G3BP2: variants seen among roughly 807,000 people sequenced by gnomAD.
G3BP2 encodes the protein G3BP stress granule assembly factor 2.
In G3BP2, 11 loss-of-function variants were observed where a neutral mutation model predicts 56.7. That is an observed-to-expected ratio of 0.19 (90% CI 0.12 to 0.32). G3BP2 has a LOEUF of 0.32. Ranked by LOEUF, G3BP2 falls within the 10% of genes least tolerant of loss-of-function variation. The pLI is 1.00. For synonymous variants in G3BP2, 165 were observed against 191.6 expected, an observed-to-expected ratio of 0.86 and a Z score of 1.15; for missense variants, 340 against 610.9, an observed-to-expected ratio of 0.56 and a Z score of 4.67.
chr4:75,667,921 A>G (rs1331852774), intron 1 of G3BP2, among the ~76,000 whole-genome samples: 1 of 152,174 alleles, frequency 6.6e-6, no homozygotes, highest in Non-Finnish European at 1.5e-5. Flanking sequence ...ATTATCCAGT[A>G]TAGTTTAGAG....
At chr4:75,659,828 C>T (rs1016423245) in intron 2 of G3BP2, among the ~76,000 whole-genome samples, 2 of 152,178 alleles carry the variant, frequency 1.3e-5, no homozygotes, top group Non-Finnish European at 2.9e-5. Context: ...AGAGTCCATG[C>T]TTTTAACCAC....
upstream of G3BP2, among the ~76,000 whole-genome samples, chr4:75,677,440 G>T (rs1399811748): frequency 6.6e-6 from 1 of 152,080 alleles, no homozygotes; most frequent in Non-Finnish European, 1.5e-5. Context: ...GCATGGTGGT[G>T]CGCACCTGTA....
At position 75,646,466 on chromosome 4, in the gene G3BP2, T is replaced by A. The variant is rs763406599; in HGVS notation, c.1058-10A>T. 7.2e-7 allele frequency: 1 copy of A among 1,382,672 alleles called. No individual in the cohort carries two copies. Among genetic ancestry groups the A allele is most frequent in the Admixed American group, 1.7e-5 (1 of 59,490 alleles). The allele number at this position is 1,382,672 out of a possible 1,614,324, so 85.7% of individuals were successfully genotyped here. On this transcript the variant is annotated splice_polypyrimidine_tract_variant and intron_variant, in intron 10 of 11. Coordinates refer to ENST00000359707, the MANE Select transcript of G3BP2 (RefSeq NM_203505.3). ...ACAACGTTTCCAAAACCTGTGAAAA[T>A]ATACATTACATCAAGGGTTAAATAT...
intron 3 of G3BP2, among the ~76,000 whole-genome samples, chr4:75,658,558 T>C (rs543907530): frequency 9.5e-4 from 144 of 151,668 alleles, no homozygotes; most frequent in Non-Finnish European, 1.6e-3. Flanking sequence ...AGAAACCCCG[T>C]CTCTACTAAA....
chr4:75,705,675 C>T (rs781382271), intron 3 of G3BP2, among the ~76,000 whole-genome samples: 3 of 152,124 alleles, frequency 2.0e-5, no homozygotes, highest in East Asian at 1.9e-4. Flanking sequence ...GTGGAAAGGC[C>T]GTCCCTCCAG....
At chr4:75,659,361 C>G (rs957489871) in intron 2 of G3BP2, among the ~76,000 whole-genome samples, 2 of 152,012 alleles carry the variant, frequency 1.3e-5, no homozygotes, top group African/African-American at 4.8e-5. Flanking sequence ...ATCCAGATCT[C>G]CAAATGATTA....
intron 3 of G3BP2, among the ~76,000 whole-genome samples, chr4:75,691,410 T>C (rs1244936891): frequency 6.6e-6 from 1 of 152,146 alleles, no homozygotes; most frequent in African/African-American, 2.4e-5. Flanking sequence ...GGTCTCACTA[T>C]GCTGGCCAGA....
At chr4:75,694,941 A>C in intron 3 of G3BP2, 7 of 985,562 alleles carry the variant, frequency 7.1e-6, no homozygotes, top group Non-Finnish European at 8.4e-6. Flanking sequence ...TGGAGCAGCA[A>C]GACAAGAAAG....
intron 3 of G3BP2, among the ~76,000 whole-genome samples, chr4:75,712,640 C>T (rs1284445289): frequency 6.6e-6 from 1 of 152,116 alleles, no homozygotes. Context: ...TTTTCCCCTC[C>T]TAGGTCCCTC....
At chr4:75,691,961 T>C (rs1718877187) in intron 3 of G3BP2, among the ~76,000 whole-genome samples, 1 of 152,216 alleles carries the variant, frequency 6.6e-6, no homozygotes, top group Admixed American at 6.6e-5. Context: ...ACTGAAAATC[T>C]AAATTCTCTG....
At chr4:75,646,306 A>G (rs756140745) in intron 11 of G3BP2, 32 bp downstream of exon 11, 2 of 916,240 alleles carry the variant, frequency 2.2e-6, no homozygotes, top group Non-Finnish European at 1.8e-6. Flanking sequence ...AGAAATAATA[A>G]AGTCTTGAAT....
At chr4:75,663,442 T>A (rs191300616) in intron 1 of G3BP2, among the ~76,000 whole-genome samples, 6 of 152,286 alleles carry the variant, frequency 3.9e-5, no homozygotes, top group East Asian at 1.9e-4. Flanking sequence ...TTAAATTTTT[T>A]AATTTTTATT....
Position 75,673,236 on chromosome 4 carries a change from C to A in G3BP2, c.-53G>T. ...CAGCCAACGGCGGCGGCGGGTACGT[C>A]GCGCGGAGGTCAGAAGAGTCGCTGA... On this transcript the variant is annotated 5_prime_UTR_variant, in exon 1 of 12. Transcript: ENST00000359707. 1 of 1,218,130 alleles carries A rather than the reference C, an allele frequency of 8.2e-7. No homozygotes were observed. The highest frequency in any genetic ancestry group is 1.0e-6 in the Non-Finnish European group (1 of 979,416). 75.5% of individuals were successfully genotyped at this position (1,218,130 alleles called of 1,614,324 possible).
At chr4:75,670,295 TG>T (rs1431517758) in intron 1 of G3BP2, 1 of 152,230 alleles carries the variant, frequency 6.6e-6, no homozygotes, top group Non-Finnish European at 1.5e-5. Context: ...ATATTAATAC[TG>T]GAACTTTCTG....
intron 1 of G3BP2, 46 bp downstream of exon 1, chr4:75,673,162 C>T: frequency 1.7e-6 from 2 of 1,163,432 alleles, no homozygotes; most frequent in Non-Finnish European, 1.1e-6. Context: ...TGGAATGTCC[C>T]TTTCCGACCA....
At chr4:75,661,173 G>A (rs1732521334) in intron 2 of G3BP2, among the ~76,000 whole-genome samples, 1 of 152,164 alleles carries the variant, frequency 6.6e-6, no homozygotes, top group African/African-American at 2.4e-5. Context: ...CTGTCACCCA[G>A]GCTGGAGTGC....
At position 75,673,346 on chromosome 4, in the gene G3BP2, C is replaced by G; in HGVS notation, c.-163G>C. On this transcript the variant is annotated 5_prime_UTR_variant, in exon 1 of 12. Coordinates refer to ENST00000359707, the MANE Select transcript of G3BP2 (RefSeq NM_203505.3). The stretch of plus-strand genomic sequence containing the variant: ...CTCGGAAGCCGGAGAGCCGCGAGTT[C>G]GTCTGCCTCACAACCACCTCTTCCC... 8.1e-7 allele frequency: 1 copy of G among 1,231,108 alleles called. No homozygotes were observed. The allele number at this position is 1,231,108 out of a possible 1,614,324, so 76.3% of individuals were successfully genotyped here. A position where few individuals can be genotyped will look rare whatever the true frequency, so the allele number is the denominator to read the frequency against.
At chr4:75,650,916 T>C (rs1040044704) in intron 8 of G3BP2, among the ~76,000 whole-genome samples, 3 of 152,232 alleles carry the variant, frequency 2.0e-5, no homozygotes, top group African/African-American at 7.2e-5. Flanking sequence ...ACAGTGCTAT[T>C]AGACACAGAT....
At chr4:75,670,514 C>A (rs540156491) in intron 1 of G3BP2, 26 of 152,274 alleles carry the variant, frequency 1.7e-4, no homozygotes, top group Middle Eastern at 3.4e-3. Flanking sequence ...TTTTTGTTTT[C>A]TGTCCTTCTC....
Sources: gnomAD v4.1 joint callset for allele counts (sites outside exome capture counted in the v4.1 genomes callset) on GRCh38, gnomAD v4.1.1 for gene constraint, MANE v1.5 for transcripts, NCBI Gene and HGNC (gene_info 2026-07-23, HGNC 2026-07-21) for gene names.